Variants in RASA3 observed in about 807,000 individuals in gnomAD.
RASA3 encodes RAS p21 protein activator 3.
Under a neutral mutation model 110.0 loss-of-function variants are expected in RASA3, and 73 were observed. That is an observed-to-expected ratio of 0.66 (90% CI 0.55 to 0.81). RASA3 has a LOEUF of 0.81. Among genes scored for constraint, RASA3 ranks in the 30% least tolerant of loss-of-function variants. The pLI is 0.00. For missense variants in RASA3, 976 were observed against 1,113.2 expected, an observed-to-expected ratio of 0.88 and a Z score of 1.75; for synonymous variants, 500 against 451.4, an observed-to-expected ratio of 1.11 and a Z score of -1.37.
intron 1 of RASA3, among the ~76,000 whole-genome samples, chr13:114,110,550 G>C (rs765925663): frequency 6.6e-6 from 1 of 152,134 alleles, no homozygotes; most frequent in Non-Finnish European, 1.5e-5. Context: ...TTCCTTACAC[G>C]GCTTCTCAGG....
At chr13:114,026,405 T>C (rs1011972341) in intron 7 of RASA3, among the ~76,000 whole-genome samples, 2 of 152,236 alleles carry the variant, frequency 1.3e-5, no homozygotes, top group African/African-American at 2.4e-5. Context: ...CGCCTGTCTA[T>C]AAGTGAGGCT....
At position 114,014,479 on chromosome 13, in the gene RASA3, C is replaced by G. The variant is rs1045391229; in HGVS notation, c.1405+730G>C. On this transcript the variant is annotated intron_variant, in intron 14 of 23. Coordinates refer to ENST00000334062, the MANE Select transcript of RASA3 (RefSeq NM_007368.4). This position sits in a 1 kb window ranked among gnomAD's most constrained non-coding sequence, Gnocchi z 4.5. ...CATGGCCACCCCGGGGTGTCTGCAG[C>G]TGTCCCGAGGCCACAGGACACGCAA... is the stretch of plus-strand genomic sequence containing the variant. 3.3e-5 allele frequency among the ~76,000 whole-genome samples: 5 copies of G among 152,178 alleles called. No individual in the cohort carries two copies. Among genetic ancestry groups the G allele is most frequent in the Admixed American group, 3.3e-4 (5 of 15,290 alleles).
In RASA3 at chr13:114,056,379, C is replaced by A. The variant is rs988932664; in HGVS notation, c.174-4224G>T. On this transcript the variant is annotated intron_variant, in intron 2 of 23. Transcript: ENST00000334062. This position sits in a 1 kb window ranked among gnomAD's most constrained non-coding sequence, Gnocchi z 5.7. ...GGGCGCCGCGCACCTGGCATTTAAC[C>A]CTGCACACTTCCTCACCACCCTGAT... The A allele has an allele frequency of 3.2e-6, 3 of 934,470 alleles. No individual in the cohort carries two copies. In the African/African-American group the frequency reaches 5.4e-5, roughly 17 times the overall value. 57.9% of individuals were successfully genotyped at this position (934,470 alleles called of 1,614,324 possible).
intron 4 of RASA3, among the ~76,000 whole-genome samples, chr13:114,031,245 G>A (rs965678812): frequency 1.3e-5 from 2 of 151,372 alleles, no homozygotes; most frequent in South Asian, 2.1e-4. Flanking sequence ...GTGTGCACAC[G>A]GCTGTGTGTC....
intron 1 of RASA3, among the ~76,000 whole-genome samples, chr13:114,100,380 G>A (rs557337183): frequency 1.2e-4 from 18 of 152,288 alleles, no homozygotes; most frequent in Admixed American, 3.9e-4. Flanking sequence ...ACTCTTGTGC[G>A]CAACACCCAG....
intron 1 of RASA3, among the ~76,000 whole-genome samples, chr13:114,120,596 C>T (rs1472422555): frequency 7.1e-6 from 1 of 140,852 alleles, no homozygotes; most frequent in African/African-American, 2.5e-5. Context: ...AGCCAGACGT[C>T]GGTCAGGGCC....
intron 23 of RASA3, 104 bp downstream of exon 23, chr13:113,981,571 G>T: frequency 7.5e-7 from 1 of 1,327,970 alleles, no homozygotes; most frequent in South Asian, 1.3e-5. Context: ...GCGGACACCT[G>T]AGCACGGGCG....
intron 1 of RASA3, among the ~76,000 whole-genome samples, chr13:114,127,082 G>C (rs961497623): frequency 6.6e-6 from 1 of 152,138 alleles, no homozygotes; most frequent in African/African-American, 2.4e-5. Flanking sequence ...ACACACACAC[G>C]TCTATGTTTA....
intron 7 of RASA3, among the ~76,000 whole-genome samples, chr13:114,025,862 C>A (rs766380232): frequency 6.6e-6 from 1 of 152,208 alleles, no homozygotes; most frequent in Non-Finnish European, 1.5e-5. Context: ...GCTCCCTCCC[C>A]GGGGCTCAGC....
At chr13:114,017,041 G>C (rs1156380526) in intron 12 of RASA3, among the ~76,000 whole-genome samples, 196 bp downstream of exon 12, 3 of 152,212 alleles carry the variant, frequency 2.0e-5, no homozygotes, top group African/African-American at 7.2e-5. Flanking sequence ...TAATTTGGGA[G>C]AATTTGGAAG....
chr13:114,058,085 C>T (rs1209106336), intron 2 of RASA3, among the ~76,000 whole-genome samples: 4 of 152,162 alleles, frequency 2.6e-5, no homozygotes, highest in South Asian at 2.1e-4. Flanking sequence ...CAGAACCAGC[C>T]GAGTGAAGCC....
chr13:114,121,713 C>G (rs1403713674), intron 1 of RASA3, among the ~76,000 whole-genome samples: 1 of 152,240 alleles, frequency 6.6e-6, no homozygotes. Flanking sequence ...CCTGAGGACG[C>G]GGGCGGCCAG....
rs1475522 is a variant in RASA3 at position 114,115,557 on chromosome 13, G to A, written c.55+16878C>T. Reference sequence around the variant, plus strand: ...TAGAGATAAAGCCGTCGGAGGCAGAGTGCAGGCCTCGAAGCAGCTGGTCAT... The same window carrying A: ...TAGAGATAAAGCCGTCGGAGGCAGAATGCAGGCCTCGAAGCAGCTGGTCAT... On this transcript the variant is annotated intron_variant, in intron 1 of 23. Coordinates refer to ENST00000334062, the MANE Select transcript of RASA3 (RefSeq NM_007368.4). The surrounding 1 kb of genome is among the most constrained non-coding windows in gnomAD (Gnocchi z 5.0). Among the ~76,000 whole-genome samples the A allele has an allele frequency of 0.75, 114,322 of 152,186 alleles. 43,217 individuals are homozygous for A. The highest frequency in any genetic ancestry group is 0.81 in the Middle Eastern group (237 of 294).
chr13:113,999,585 G>A lies in RASA3; in HGVS notation c.1932C>T (p.Asn644=), dbSNP rs201049044. The change falls in exon 20 of 24, where the codon AAC becomes AAT. Residue 644 remains asparagine (N), a splice_region_variant and synonymous_variant. Coordinates refer to ENST00000334062, the MANE Select transcript of RASA3 (RefSeq NM_007368.4). ...KLEEESFKMK[N]MFQVIQPERA... ...AGAGGCTTGGGGGCCCCACACTCAC[G>A]TTTTTCATTTTGAAAGACTCCTCCT... 7.9e-5 allele frequency: 127 copies of A among 1,613,194 alleles called. 1 individual carries two copies. The highest frequency in any genetic ancestry group is 3.2e-4 in the South Asian group (29 of 91,010).
At position 114,065,349 on chromosome 13, in the gene RASA3, G is replaced by A. The variant is rs116404940; in HGVS notation, c.173+8371C>T. Among the ~76,000 whole-genome samples, 1,784 of 152,306 alleles carry A rather than the reference G, an allele frequency of 0.012. 26 individuals carry two copies. Among genetic ancestry groups the A allele is most frequent in the African/African-American group, 0.041 (1,715 of 41,560 alleles). On this transcript the variant is annotated intron_variant, in intron 2 of 23. Coordinates refer to ENST00000334062, the MANE Select transcript of RASA3 (RefSeq NM_007368.4). The surrounding 1 kb of genome is among the most constrained non-coding windows in gnomAD (Gnocchi z 4.1). Reference sequence around the variant, plus strand: ...CTCGGGGCCCATTTCCCAAACGCTGGGGGGAGCCGGGAGCTGCCAGGGCTG... The same window carrying A: ...CTCGGGGCCCATTTCCCAAACGCTGAGGGGAGCCGGGAGCTGCCAGGGCTG...
chr13:114,027,793 T>G, intron 6 of RASA3, 54 bp downstream of exon 6: 2 of 1,552,110 alleles, frequency 1.3e-6, no homozygotes, highest in East Asian at 4.5e-5. Context: ...ATTTCAGAGC[T>G]GGACCCTAGC....
intron 4 of RASA3, among the ~76,000 whole-genome samples, chr13:114,038,408 C>T (rs1458261578): frequency 2.6e-5 from 4 of 152,264 alleles, no homozygotes; most frequent in East Asian, 3.8e-4. Flanking sequence ...GTAATCACAG[C>T]GTCCTTCACT....
At chr13:114,031,999 T>C (rs2054178727) in intron 4 of RASA3, among the ~76,000 whole-genome samples, 1 of 152,150 alleles carries the variant, frequency 6.6e-6, no homozygotes, top group Admixed American at 6.5e-5. Flanking sequence ...CCTTCAAAAA[T>C]ATATCAGACA....
chr13:114,007,725 T>A, intron 17 of RASA3, 119 bp from the exon 18 acceptor site: 2 of 826,248 alleles, frequency 2.4e-6, no homozygotes, highest in Admixed American at 3.8e-5. Flanking sequence ...GGAGACAGAA[T>A]CTGGGCAAGT....
Sources: allele counts gnomAD v4.1 joint callset (sites outside exome capture counted in the v4.1 genomes callset), GRCh38; gene constraint gnomAD v4.1.1; non-coding constraint Gnocchi (gnomAD v3.1); transcripts MANE v1.5; gene names NCBI Gene and HGNC (gene_info 2026-07-23, HGNC 2026-07-21).